Variants in STK32C observed in about 807,000 individuals in gnomAD.
STK32C encodes serine/threonine-protein kinase 32C.
A neutral mutation model predicts 56.5 loss-of-function variants in STK32C; 31 were observed. That is an observed-to-expected ratio of 0.55 (90% CI 0.41 to 0.74). The LOEUF is 0.74. STK32C is among the 30% of genes least tolerant of loss of function. STK32C has a pLI of 0.00. For synonymous variants in STK32C, 309 were observed against 289.4 expected (o/e 1.07, Z -0.69); for missense variants, 544 against 676.9 (o/e 0.80, Z 2.18).
Position 132,230,683 on chromosome 10 carries a change from G to GC in STK32C, c.319-2556_319-2555insG, listed in dbSNP as rs1554977820. Among the ~76,000 whole-genome samples the GC allele has an allele frequency of 3.5e-5, 5 of 144,340 alleles. 1 individual carries two copies. The highest frequency in any genetic ancestry group is 1.3e-4 in the African/African-American group (5 of 39,550). The allele number at this position is 144,340 out of a possible 152,430, so 94.7% of individuals were successfully genotyped here. On this transcript the variant is annotated intron_variant, in intron 2 of 11. Coordinates refer to ENST00000298630, the MANE Select transcript of STK32C (RefSeq NM_173575.4). ...TGCTGCTGGGGGGGAAGCTGGCGGG[G>GC]GGGGGGGGGCTGCAGAGCCCACCTC...
At chr10:132,304,296 A>G (rs1375198176) in intron 1 of STK32C, among the ~76,000 whole-genome samples, 3 of 152,132 alleles carry the variant, frequency 2.0e-5, no homozygotes, top group African/African-American at 7.2e-5. Context: ...GGGCTTAAAA[A>G]AAAAGCCTGA....
intron 1 of STK32C, among the ~76,000 whole-genome samples, chr10:132,287,319 C>T (rs1027274366): frequency 1.3e-5 from 2 of 151,738 alleles, no homozygotes; most frequent in Non-Finnish European, 2.9e-5. Flanking sequence ...GGTGAAACCC[C>T]GTCTCTACTA....
At chr10:132,281,999 C>T (rs1257616455) in intron 1 of STK32C, among the ~76,000 whole-genome samples, 1 of 152,238 alleles carries the variant, frequency 6.6e-6, no homozygotes, top group African/African-American at 2.4e-5. Flanking sequence ...CTGCTGAGCG[C>T]CGACATTCAG....
chr10:132,305,503 C>A lies in STK32C; in HGVS notation c.262+2069G>T, dbSNP rs999628905. 3.3e-5 allele frequency among the ~76,000 whole-genome samples: 5 copies of A among 152,190 alleles called. No individual in the cohort carries two copies. The East Asian group carries it at 9.6e-4, about 29-fold the overall frequency. On this transcript the variant is annotated intron_variant, in intron 1 of 11. Transcript: ENST00000298630. Reference sequence around the variant, plus strand: ...AGCAACCGTGCAGATTCAGTAAACTCGAGACACCAACACAGCACCAGGGCC... The same window carrying A: ...AGCAACCGTGCAGATTCAGTAAACTAGAGACACCAACACAGCACCAGGGCC...
At chr10:132,222,364 C>T (rs1286612442) in intron 10 of STK32C, among the ~76,000 whole-genome samples, 1 of 152,030 alleles carries the variant, frequency 6.6e-6, no homozygotes, top group African/African-American at 2.4e-5. Flanking sequence ...ACAACCAACA[C>T]CAGCACACCT....
rs920110960 is a variant in STK32C at position 132,307,921 on chromosome 10, G to T, written c.-88C>A. 12 of 1,084,226 alleles carry T rather than the reference G, an allele frequency of 1.1e-5. 1 individual carries two copies. Among genetic ancestry groups the T allele is most frequent in the East Asian group, 2.0e-4 (2 of 9,976 alleles). 67.2% of individuals were successfully genotyped at this position (1,084,226 alleles called of 1,614,324 possible). On this transcript the variant is annotated 5_prime_UTR_variant, in exon 1 of 12. Transcript: ENST00000298630. The surrounding 1 kb of genome is among the most constrained non-coding windows in gnomAD (Gnocchi z 4.4). ...GCGGCAGTGGTAGCGGGAGCGCTCG[G>T]GGCCGGCAGCGCCCGCCGTGCGCTC... is the stretch of plus-strand genomic sequence containing the variant.
At chr10:132,316,744 T>A (rs2066317383) in intron 1 of STK32C, among the ~76,000 whole-genome samples, 1 of 152,094 alleles carries the variant, frequency 6.6e-6, no homozygotes, top group Non-Finnish European at 1.5e-5. Flanking sequence ...GAAAAGGCTA[T>A]CATTCTAGAA....
At chr10:132,299,558 C>G (rs1179530325) in intron 1 of STK32C, among the ~76,000 whole-genome samples, 1 of 152,266 alleles carries the variant, frequency 6.6e-6, no homozygotes, top group African/African-American at 2.4e-5. Context: ...CAGCCCGCAG[C>G]TCTCTGAGCC....
At chr10:132,240,920 C>T (rs757767544) in intron 2 of STK32C, among the ~76,000 whole-genome samples, 20 of 152,210 alleles carry the variant, frequency 1.3e-4, no homozygotes, top group Non-Finnish European at 2.5e-4. Flanking sequence ...CACCACACCC[C>T]TAGAGACACG....
At chr10:132,278,689 G>A (rs895502388) in intron 1 of STK32C, among the ~76,000 whole-genome samples, 17 of 151,376 alleles carry the variant, frequency 1.1e-4, no homozygotes, top group Non-Finnish European at 1.5e-5. Flanking sequence ...GAACCCGGGA[G>A]GCGGAGCTTG....
chr10:132,274,209 C>T (rs556345952), intron 1 of STK32C, among the ~76,000 whole-genome samples: 1 of 152,160 alleles, frequency 6.6e-6, no homozygotes, highest in Non-Finnish European at 1.5e-5. Context: ...TGGGACTCAG[C>T]GGAGAGGCTG....
At position 132,283,798 on chromosome 10, in the gene STK32C, C is replaced by A. The variant is rs73383260; in HGVS notation, c.262+23774G>T. On this transcript the variant is annotated intron_variant, in intron 1 of 11. Transcript: ENST00000298630. ...GAAACACAGCTGCTGCCTCCTCCTC[C>A]GCCCCCATGGCTGGCTGTGGCTCCA... Among the ~76,000 whole-genome samples the A allele has an allele frequency of 7.3e-3, 1,117 of 152,274 alleles. 9 individuals carry two copies. Among genetic ancestry groups the A allele is most frequent in the African/African-American group, 0.02 (829 of 41,536 alleles).
In STK32C at chr10:132,221,347, A is replaced by C. The variant is rs540759184; in HGVS notation, c.1251+1294T>G. Among the ~76,000 whole-genome samples the C allele has an allele frequency of 5.2e-3, 684 of 132,288 alleles. 6 individuals carry two copies. Among genetic ancestry groups the C allele is most frequent in the African/African-American group, 0.019 (650 of 34,268 alleles). 86.8% of individuals were successfully genotyped at this position (132,288 alleles called of 152,430 possible). The stretch of plus-strand genomic sequence containing the variant: ...CCACACACACAACTGATGCTGACGC[A>C]CCTGGGCGAGTGTGAGGGCTTCACA... On this transcript the variant is annotated intron_variant, in intron 10 of 11. Coordinates refer to ENST00000298630, the MANE Select transcript of STK32C (RefSeq NM_173575.4).
intron 10 of STK32C, among the ~76,000 whole-genome samples, chr10:132,221,474 T>C (rs1482291283): frequency 4.2e-5 from 6 of 142,984 alleles, no homozygotes; most frequent in Non-Finnish European, 7.6e-5. Context: ...TCAACGCACC[T>C]GGGTGAGTGT....
intron 1 of STK32C, among the ~76,000 whole-genome samples, chr10:132,297,055 C>G (rs372077853): frequency 1.3e-5 from 2 of 152,250 alleles, no homozygotes; most frequent in African/African-American, 4.8e-5. Flanking sequence ...ACTCACCACC[C>G]CTTTCACCTT....
At position 132,302,438 on chromosome 10, in the gene STK32C, C is replaced by T. The variant is rs76645691; in HGVS notation, c.262+5134G>A. Among the ~76,000 whole-genome samples, 957 of 152,298 alleles carry T rather than the reference C, an allele frequency of 6.3e-3. 15 individuals are homozygous for T. Among genetic ancestry groups the T allele is most frequent in the African/African-American group, 0.022 (899 of 41,568 alleles). ...GAAGAGGCATCAAGCTGCACAGCTG[C>T]CCCAAGGGCCCCCAGGACACCCGGT... On this transcript the variant is annotated intron_variant, in intron 1 of 11. Coordinates refer to ENST00000298630, the MANE Select transcript of STK32C (RefSeq NM_173575.4).
intron 2 of STK32C, among the ~76,000 whole-genome samples, chr10:132,230,105 G>A (rs1242247586): frequency 2.0e-5 from 3 of 151,960 alleles, no homozygotes; most frequent in Non-Finnish European, 2.9e-5. Context: ...CAGGCAGCCC[G>A]AGAACAGACG....
chr10:132,274,699 C>T (rs141529412), intron 1 of STK32C, among the ~76,000 whole-genome samples: 1,680 of 152,284 alleles, frequency 0.011, 15 homozygotes, highest in Non-Finnish European at 0.019. Flanking sequence ...CCCGGCTGAG[C>T]GCAAACCTCA....
intron 1 of STK32C, among the ~76,000 whole-genome samples, chr10:132,329,162 C>T (rs557434583): frequency 6.6e-6 from 1 of 152,376 alleles, no homozygotes; most frequent in Admixed American, 6.5e-5. Flanking sequence ...CGCCTATAAT[C>T]CCAGCACTTT....
Sources: allele counts gnomAD v4.1 joint callset (sites outside exome capture counted in the v4.1 genomes callset), GRCh38; gene constraint gnomAD v4.1.1; non-coding constraint Gnocchi (gnomAD v3.1); transcripts MANE v1.5; gene names NCBI Gene and HGNC (gene_info 2026-07-23, HGNC 2026-07-21).